ARHGAP15: variants seen among roughly 807,000 people sequenced by gnomAD.
The protein encoded by ARHGAP15 is rho GTPase-activating protein 15.
Under a neutral mutation model 63.7 loss-of-function variants are expected in ARHGAP15, and 51 were observed. The observed-to-expected ratio is 0.80, with a 90% CI of 0.64 to 1.01. The LOEUF (loss-of-function observed/expected upper bound fraction) is 1.01. Ranked by LOEUF, ARHGAP15 falls within the 50% of genes least tolerant of loss-of-function variation. The pLI, the probability that ARHGAP15 is intolerant of heterozygous loss-of-function variation, is 0.00. For missense variants in ARHGAP15, 560 were observed against 564.6 expected (o/e 0.99, Z 0.08); for synonymous variants, 191 against 193.8 (o/e 0.99, Z 0.12).
intron 6 of ARHGAP15, among the ~76,000 whole-genome samples, chr2:143,310,456 A>G (rs574824941): frequency 6.6e-6 from 1 of 152,028 alleles, no homozygotes; most frequent in Non-Finnish European, 1.5e-5. Context: ...AGTGCATCTC[A>G]TTACTAACAT....
intron 6 of ARHGAP15, among the ~76,000 whole-genome samples, chr2:143,298,596 C>T (rs1029719374): frequency 3.3e-5 from 5 of 151,928 alleles, no homozygotes; most frequent in Non-Finnish European, 5.9e-5. Context: ...AGCAAATCCA[C>T]ACAAACTGAG....
intron 6 of ARHGAP15, among the ~76,000 whole-genome samples, chr2:143,297,359 C>G (rs1000594440): frequency 2.0e-5 from 3 of 151,938 alleles, no homozygotes; most frequent in Non-Finnish European, 4.4e-5. Context: ...CTGCAGTACT[C>G]TGTGTGTGAA....
intron 13 of ARHGAP15, among the ~76,000 whole-genome samples, chr2:143,711,926 A>G (rs1375953328): frequency 1.3e-5 from 2 of 152,238 alleles, no homozygotes; most frequent in African/African-American, 4.8e-5. Context: ...TCGTGTCAAA[A>G]AACAAAAACA....
intron 11 of ARHGAP15, among the ~76,000 whole-genome samples, chr2:143,598,856 G>A (rs892520227): frequency 6.6e-6 from 1 of 151,954 alleles, no homozygotes. Flanking sequence ...GTTTGAGGCT[G>A]CCATGAGCTA....
chr2:143,553,520 A>G (rs1695661481), intron 10 of ARHGAP15, among the ~76,000 whole-genome samples: 1 of 152,234 alleles, frequency 6.6e-6, no homozygotes, highest in South Asian at 2.1e-4. Context: ...ACTCAGGTCT[A>G]CAACCACAGC....
At chr2:143,597,438 G>A (rs1209108063) in intron 11 of ARHGAP15, among the ~76,000 whole-genome samples, 1 of 151,934 alleles carries the variant, frequency 6.6e-6, no homozygotes, top group African/African-American at 2.4e-5. Flanking sequence ...ACCTTTCTAG[G>A]AGAAAGCAAG....
At chr2:143,525,061 G>A (rs916688527) in intron 10 of ARHGAP15, among the ~76,000 whole-genome samples, 10 of 152,146 alleles carry the variant, frequency 6.6e-5, no homozygotes, top group African/African-American at 1.2e-4. Flanking sequence ...TCCAGGCCCC[G>A]AAACTGCAGA....
intron 8 of ARHGAP15, chr2:143,471,934 G>A (rs200933030): frequency 6.6e-6 from 1 of 152,198 alleles, no homozygotes; most frequent in East Asian, 1.9e-4. Flanking sequence ...AGGGTCTCCT[G>A]CCTACTAATC....
chr2:143,721,796 C>G (rs1488653818), intron 13 of ARHGAP15, among the ~76,000 whole-genome samples: 1 of 152,040 alleles, frequency 6.6e-6, no homozygotes, highest in Non-Finnish European at 1.5e-5. Flanking sequence ...AAGCAATTCT[C>G]CTGCCTCAGC....
intron 2 of ARHGAP15, among the ~76,000 whole-genome samples, chr2:143,192,005 C>A (rs1230108891): frequency 6.6e-6 from 1 of 152,206 alleles, no homozygotes; most frequent in South Asian, 2.1e-4. Flanking sequence ...CATTTCCAAT[C>A]AAAAGCCAGA....
At position 143,155,548 on chromosome 2, in the gene ARHGAP15, G is replaced by A. The variant is rs1056343993; in HGVS notation, c.58G>A (p.Gly20Ser). ...SVETLNSTRQGTGAVQMRIKN... is the reference protein window; with the variant it reads ...SVETLNSTRQSTGAVQMRIKN... Reference sequence around the variant, plus strand: ...GGAAACACTGAATTCTACCCGCCAAGGCACAGGAGCTGTGCAAATGAGAAT... The same window carrying A: ...GGAAACACTGAATTCTACCCGCCAAAGCACAGGAGCTGTGCAAATGAGAAT... The change falls in exon 2 of 14, where the codon GGC (glycine) becomes AGC (serine). Residue 20 changes from glycine (G) to serine (S), a missense_variant. By Grantham distance (56) the Gly-to-Ser change is moderately conservative (BLOSUM62 0). Transcript: ENST00000295095. The A allele has an allele frequency of 6.2e-7, 1 of 1,608,556 alleles. No homozygotes were observed. Among genetic ancestry groups the A allele is most frequent in the Non-Finnish European group, 8.5e-7 (1 of 1,177,814 alleles).
At chr2:143,306,476 T>G (rs1683176139) in intron 6 of ARHGAP15, among the ~76,000 whole-genome samples, 1 of 152,172 alleles carries the variant, frequency 6.6e-6, no homozygotes, top group Non-Finnish European at 1.5e-5. Flanking sequence ...TAAATAGGGC[T>G]AATAATCATA....
chr2:143,463,991 A>G (rs1275076935), intron 8 of ARHGAP15, among the ~76,000 whole-genome samples: 1 of 152,114 alleles, frequency 6.6e-6, no homozygotes, highest in Non-Finnish European at 1.5e-5. Context: ...CAACATTCAC[A>G]CCCTCCATTC....
At chr2:143,273,980 C>T (rs574767182) in intron 6 of ARHGAP15, among the ~76,000 whole-genome samples, 1 of 152,034 alleles carries the variant, frequency 6.6e-6, no homozygotes, top group Admixed American at 6.5e-5. Context: ...GGGAAAATAT[C>T]TGAATTTGAT....
chr2:143,295,414 T>C (rs544558867), intron 6 of ARHGAP15: 17 of 134,066 alleles, frequency 1.3e-4, no homozygotes, highest in African/African-American at 5.0e-4. Context: ...CTCAAGGAAG[T>C]TAGATTCTGT....
At chr2:143,383,692 G>A (rs1020642296) in intron 6 of ARHGAP15, among the ~76,000 whole-genome samples, 2 of 152,088 alleles carry the variant, frequency 1.3e-5, no homozygotes, top group African/African-American at 4.8e-5. Flanking sequence ...AAATAGTTAA[G>A]CCACTTGTTC....
intron 9 of ARHGAP15, among the ~76,000 whole-genome samples, chr2:143,500,247 T>A (rs1037822156): frequency 1.7e-4 from 25 of 149,630 alleles, no homozygotes; most frequent in African/African-American, 4.2e-4. Context: ...TTATATATTT[T>A]TATATATACT....
intron 1 of ARHGAP15, among the ~76,000 whole-genome samples, chr2:143,153,879 CTCCTCCTCCTCCTCCTCCTCCTAT>C (rs1689972072): frequency 1.3e-5 from 1 of 74,210 alleles, no homozygotes; most frequent in East Asian, 3.0e-4. Context: ...CCTCTTCCTC[CTCCTCCTCCTCCTCCTCCTCCTAT>C]TCCTCTTCTT....
chr2:143,345,589 A>T (rs1685233383), intron 6 of ARHGAP15, among the ~76,000 whole-genome samples: 2 of 152,114 alleles, frequency 1.3e-5, no homozygotes, highest in Admixed American at 1.3e-4. Context: ...TTTGGCACTA[A>T]CATAATGGTG....
Sources: gnomAD v4.1 joint callset for allele counts (sites outside exome capture counted in the v4.1 genomes callset) on GRCh38, gnomAD v4.1.1 for gene constraint, MANE v1.5 for transcripts, NCBI Gene and HGNC (gene_info 2026-07-23, HGNC 2026-07-21) for gene names.